LMNTD1: variants seen among roughly 807,000 people sequenced by gnomAD.
LMNTD1 encodes the protein lamin tail domain-containing protein 1.
Under a neutral mutation model 50.9 loss-of-function variants are expected in LMNTD1, and 35 were observed. The ratio of observed to expected loss-of-function variants is 0.69; its 90% CI spans 0.53 to 0.91. The LOEUF (loss-of-function observed/expected upper bound fraction) is 0.91, where lower values mean the gene tolerates loss of function less well. Among genes scored for constraint, LMNTD1 ranks in the 40% least tolerant of loss-of-function variants. LMNTD1 has a pLI of 0.00. For missense variants in LMNTD1, 470 were observed against 475.5 expected (o/e 0.99, Z 0.11); for synonymous variants, 153 against 161.9 (o/e 0.94, Z 0.42).
At chr12:25,578,254 T>A (rs1275382828) in intron 1 of LMNTD1, among the ~76,000 whole-genome samples, 1 of 152,130 alleles carries the variant, frequency 6.6e-6, no homozygotes, top group Non-Finnish European at 1.5e-5. Flanking sequence ...TGAGTTTAAA[T>A]GACACCTAGG....
intron 8 of LMNTD1, among the ~76,000 whole-genome samples, chr12:25,510,925 A>C (rs1166393258): frequency 1.3e-5 from 2 of 152,200 alleles, no homozygotes; most frequent in African/African-American, 4.8e-5. Context: ...AATACAGTGC[A>C]ATAAATGCTT....
At chr12:25,645,400 G>A (rs766937473) in intron 1 of LMNTD1, among the ~76,000 whole-genome samples, 8 of 152,172 alleles carry the variant, frequency 5.3e-5, no homozygotes, top group Non-Finnish European at 8.8e-5. Flanking sequence ...GGGTAAGGGA[G>A]TTGAAAGGAG....
At chr12:25,568,676 T>G (rs1944659578) in intron 1 of LMNTD1, among the ~76,000 whole-genome samples, 1 of 152,222 alleles carries the variant, frequency 6.6e-6, no homozygotes, top group Non-Finnish European at 1.5e-5. Flanking sequence ...GCTTCTCCCC[T>G]CATTTCTGCA....
intron 1 of LMNTD1, among the ~76,000 whole-genome samples, chr12:25,566,764 A>G (rs977689859): frequency 6.6e-6 from 1 of 152,220 alleles, no homozygotes; most frequent in Non-Finnish European, 1.5e-5. Flanking sequence ...GAACAATCCT[A>G]TCATTGTTTG....
intron 1 of LMNTD1, among the ~76,000 whole-genome samples, chr12:25,618,341 G>A (rs570491069): frequency 2.0e-5 from 3 of 152,158 alleles, no homozygotes; most frequent in South Asian, 2.1e-4. Flanking sequence ...AGAATCATTC[G>A]TCAGGTGATT....
intron 1 of LMNTD1, among the ~76,000 whole-genome samples, chr12:25,627,579 C>T (rs988367614): frequency 5.9e-5 from 9 of 152,124 alleles, no homozygotes; most frequent in African/African-American, 2.2e-4. Flanking sequence ...GAGAGAGATC[C>T]TCACATGTCA....
At chr12:25,481,994 T>G (rs1938463537) in intron 9 of LMNTD1, among the ~76,000 whole-genome samples, 1 of 151,760 alleles carries the variant, frequency 6.6e-6, no homozygotes, top group Non-Finnish European at 1.5e-5. Context: ...AACCTAAGTC[T>G]CTTCAGCAGT....
At chr12:25,503,848 G>A (rs1380289682) in intron 8 of LMNTD1, 48 bp from the exon 9 acceptor site, 1 of 1,070,468 alleles carries the variant, frequency 9.3e-7, no homozygotes, top group African/African-American at 1.6e-5. Context: ...GCTAGGTAGG[G>A]AAGGGCAAGA....
At chr12:25,559,455 T>C (rs1240868550) in intron 1 of LMNTD1, among the ~76,000 whole-genome samples, 2 of 152,210 alleles carry the variant, frequency 1.3e-5, no homozygotes, top group East Asian at 1.9e-4. Context: ...TTGATGGACA[T>C]TTGGGTTGGT....
At chr12:25,613,066 G>A (rs916601200) in intron 1 of LMNTD1, among the ~76,000 whole-genome samples, 1 of 152,198 alleles carries the variant, frequency 6.6e-6, no homozygotes, top group African/African-American at 2.4e-5. Context: ...CAGTGAAAGG[G>A]ATTGTCCCCT....
chr12:25,526,625 T>C, intron 5 of LMNTD1, 144 bp downstream of exon 5: 1 of 494,900 alleles, frequency 2.0e-6, no homozygotes, highest in Non-Finnish European at 3.4e-6. Flanking sequence ...CAAAGTGCGG[T>C]AATTAACCAC....
chr12:25,610,548 G>C (rs1334693876), intron 1 of LMNTD1, among the ~76,000 whole-genome samples: 1 of 152,136 alleles, frequency 6.6e-6, no homozygotes, highest in Non-Finnish European at 1.5e-5. Flanking sequence ...GCTGGCAGTG[G>C]GTTAAGGATG....
chr12:25,612,328 A>ACACACACACACGCG (rs34069424), intron 1 of LMNTD1, among the ~76,000 whole-genome samples: 1 of 146,526 alleles, frequency 6.8e-6, no homozygotes, highest in African/African-American at 2.5e-5. Flanking sequence ...ACACACACAC[A>ACACACACACACGCG]CGCGCTCCCA....
intron 6 of LMNTD1, among the ~76,000 whole-genome samples, chr12:25,521,431 C>G (rs1273972289): frequency 6.6e-6 from 1 of 152,102 alleles, no homozygotes; most frequent in Non-Finnish European, 1.5e-5. Flanking sequence ...AATTTAAAAA[C>G]TGAACTATAT....
chr12:25,544,632 T>C (rs886112386), intron 4 of LMNTD1, among the ~76,000 whole-genome samples: 14 of 151,862 alleles, frequency 9.2e-5, no homozygotes, highest in African/African-American at 3.1e-4. Flanking sequence ...TTTTGTCCTT[T>C]ATTACTATAT....
chr12:25,526,234 T>C lies in LMNTD1; in HGVS notation c.679-16A>G, dbSNP rs1249097820. On this transcript the variant is annotated splice_polypyrimidine_tract_variant and intron_variant, in intron 5 of 9. Coordinates refer to ENST00000458174, the MANE Select transcript of LMNTD1 (RefSeq NM_001145728.2). ...CTGCCCACACCTGTAATAAAATTGT[T>C]AATGACAAATGCCACTGGAGTTGAA... 2.5e-6 allele frequency: 4 copies of C among 1,602,922 alleles called. No individual in the cohort carries two copies. Among genetic ancestry groups the C allele is most frequent in the Non-Finnish European group, 3.4e-6 (4 of 1,176,128 alleles).
At chr12:25,528,051 G>T (rs1477358102) in intron 4 of LMNTD1, among the ~76,000 whole-genome samples, 2 of 151,902 alleles carry the variant, frequency 1.3e-5, no homozygotes, top group Non-Finnish European at 2.9e-5. Flanking sequence ...TCCTAAAATT[G>T]TCAAAATTCT....
chr12:25,521,289 T>G (rs1434143321), intron 6 of LMNTD1, among the ~76,000 whole-genome samples: 1 of 152,202 alleles, frequency 6.6e-6, no homozygotes, highest in Non-Finnish European at 1.5e-5. Flanking sequence ...AAGAAATCAT[T>G]GCAAAGGACC....
chr12:25,537,152 G>A (rs1368001586), intron 4 of LMNTD1, among the ~76,000 whole-genome samples: 6 of 152,314 alleles, frequency 3.9e-5, no homozygotes, highest in Admixed American at 3.3e-4. Context: ...GCTGGGGGAG[G>A]GGCGCCCACC....
Sources: allele counts gnomAD v4.1 joint callset (sites outside exome capture counted in the v4.1 genomes callset), GRCh38; gene constraint gnomAD v4.1.1; transcripts MANE v1.5; gene names NCBI Gene and HGNC (gene_info 2026-07-23, HGNC 2026-07-21).